LGR6: variants seen among roughly 807,000 people sequenced by gnomAD.
LGR6 encodes the protein leucine rich repeat containing G protein-coupled receptor 6.
LGR6 carries 45 observed loss-of-function variants against 69.4 expected under a neutral mutation model. The observed-to-expected ratio is 0.65, with a 90% CI of 0.51 to 0.83. LGR6 has a LOEUF of 0.83. Ranked by LOEUF, LGR6 falls within the 40% of genes least tolerant of loss-of-function variation. The probability of loss-of-function intolerance (pLI) is 0.00; values close to 1 mark genes in which losing one functional copy is unlikely to be tolerated. For missense variants in LGR6, 1,108 were observed against 1,246.7 expected (o/e 0.89, Z 1.68); for synonymous variants, 538 against 555.0 (o/e 0.97, Z 0.43).
chr1:202,318,156 T>A lies in LGR6; in HGVS notation c.1853T>A (p.Leu618Gln). ...TTGACTGGCATTTCCTGTGGCCTTCTAGCCTCAGTCGATGCCCTGACCTTT... is the reference window on the plus strand; with the variant it reads ...TTGACTGGCATTTCCTGTGGCCTTCAAGCCTCAGTCGATGCCCTGACCTTT... Reference protein sequence around the residue: ...NTLTGISCGLLASVDALTFGQ... With the variant: ...NTLTGISCGLQASVDALTFGQ... The change falls in exon 18 of 18, where the codon CTA becomes CAA. Residue 618 changes from leucine to glutamine, a missense_variant. Leu to Gln is a moderately radical substitution (Grantham distance 113). Transcript: ENST00000367278. The A allele has an allele frequency of 6.2e-7, 1 of 1,614,008 alleles. No individual in the cohort carries two copies. The highest frequency in any genetic ancestry group is 8.5e-7 in the Non-Finnish European group (1 of 1,180,014).
intron 13 of LGR6, 106 bp downstream of exon 13, chr1:202,307,045 G>A: frequency 1.0e-6 from 1 of 977,274 alleles, no homozygotes; most frequent in Non-Finnish European, 1.6e-6. Context: ...AATGTGACAT[G>A]CACATCGCCT....
intron 1 of LGR6, among the ~76,000 whole-genome samples, chr1:202,196,724 T>C (rs558236451): frequency 1.3e-5 from 2 of 152,290 alleles, no homozygotes; most frequent in Non-Finnish European, 2.9e-5. Flanking sequence ...TTATCATGCC[T>C]CCTATGGGTG....
chr1:202,260,444 C>A (rs1664136037), intron 4 of LGR6, among the ~76,000 whole-genome samples: 1 of 152,144 alleles, frequency 6.6e-6, no homozygotes, highest in African/African-American at 2.4e-5. Context: ...AGTGATTTTC[C>A]TGCCTCAGCC....
In LGR6 at chr1:202,319,381, GCCTCT is replaced by G; in HGVS notation, c.*175_*179del. The G allele has an allele frequency of 1.5e-6, 1 of 656,834 alleles. No individual in the cohort carries two copies. Among genetic ancestry groups the G allele is most frequent in the Non-Finnish European group, 2.4e-6 (1 of 415,026 alleles). 40.7% of individuals were successfully genotyped at this position (656,834 alleles called of 1,614,324 possible). ...TCTCCTGTGACCATCACCAACGGGT[GCCTCT>G]TGGCCTGGCTTTCCCTTGGCCTTCC... On this transcript the variant is annotated 3_prime_UTR_variant, in exon 18 of 18. Coordinates refer to ENST00000367278, the MANE Select transcript of LGR6 (RefSeq NM_001017403.2).
At chr1:202,244,515 C>T (rs12124862) in intron 4 of LGR6, among the ~76,000 whole-genome samples, 434 of 152,200 alleles carry the variant, frequency 2.9e-3, no homozygotes, top group Non-Finnish European at 5.1e-3. Context: ...TTCCAGCTTC[C>T]GGCAGCTGCT....
intron 2 of LGR6, among the ~76,000 whole-genome samples, chr1:202,226,966 G>A (rs1660603061): frequency 6.6e-6 from 1 of 152,164 alleles, no homozygotes; most frequent in South Asian, 2.1e-4. Context: ...CATTGGACAC[G>A]ACCTGAGAAC....
At chr1:202,236,031 T>C in intron 4 of LGR6, 38 bp downstream of exon 4, 1 of 1,569,576 alleles carries the variant, frequency 6.4e-7, no homozygotes, top group Non-Finnish European at 8.8e-7. Flanking sequence ...GTCACCAGCT[T>C]CCTGGGGCCT....
intron 1 of LGR6, among the ~76,000 whole-genome samples, chr1:202,214,465 G>T (rs1659627957): frequency 6.6e-6 from 1 of 151,816 alleles, no homozygotes; most frequent in Non-Finnish European, 1.5e-5. Flanking sequence ...GGCGGGCTGG[G>T]GTGGGCAGGG....
intron 4 of LGR6, among the ~76,000 whole-genome samples, chr1:202,254,503 T>C (rs1293699445): frequency 1.3e-5 from 2 of 152,248 alleles, no homozygotes; most frequent in South Asian, 2.1e-4. Flanking sequence ...GCCCCTGCCA[T>C]GAGTGAATGT....
intron 11 of LGR6, 30 bp downstream of exon 11, chr1:202,304,660 G>A (rs1391694867): frequency 1.3e-6 from 2 of 1,571,344 alleles, no homozygotes; most frequent in Non-Finnish European, 1.7e-6. Flanking sequence ...CTACAGTCTT[G>A]GCATTGTGCC....
chr1:202,304,422 C>G, intron 10 of LGR6, 137 bp from the exon 11 acceptor site: 1 of 516,688 alleles, frequency 1.9e-6, no homozygotes, highest in South Asian at 3.4e-5. Flanking sequence ...CCACCCCCTG[C>G]CCTGTCTCTC....
chr1:202,194,706 G>C (rs1373326987), intron 1 of LGR6: 126 of 211,038 alleles, frequency 6.0e-4, no homozygotes, highest in Middle Eastern at 1.7e-3. Flanking sequence ...TCGTGGGGGC[G>C]GGGGGGGCGG....
intron 6 of LGR6, among the ~76,000 whole-genome samples, chr1:202,285,555 G>C (rs745578503): frequency 2.6e-5 from 4 of 152,224 alleles, no homozygotes; most frequent in Non-Finnish European, 5.9e-5. Context: ...CATTAAATGA[G>C]ATGACTTCAC....
intron 1 of LGR6, among the ~76,000 whole-genome samples, chr1:202,200,540 G>A (rs1053483704): frequency 2.6e-5 from 4 of 152,212 alleles, no homozygotes; most frequent in African/African-American, 4.8e-5. Context: ...TTGGGAAGGT[G>A]CAGGAGATGG....
At chr1:202,298,199 C>CA (rs1279993404) in intron 7 of LGR6, among the ~76,000 whole-genome samples, 1 of 152,162 alleles carries the variant, frequency 6.6e-6, no homozygotes, top group Admixed American at 6.5e-5. Context: ...CCATAACTTG[C>CA]AGAGTATTAG....
At chr1:202,255,556 C>T (rs1006495395) in intron 4 of LGR6, among the ~76,000 whole-genome samples, 1 of 152,200 alleles carries the variant, frequency 6.6e-6, no homozygotes, top group Non-Finnish European at 1.5e-5. Flanking sequence ...TAGCTCAGCT[C>T]TCCAACAGCC....
chr1:202,242,718 C>T (rs1461618214), intron 4 of LGR6, among the ~76,000 whole-genome samples: 1 of 152,116 alleles, frequency 6.6e-6, no homozygotes, highest in African/African-American at 2.4e-5. Flanking sequence ...ATGGCTGAAC[C>T]ATTTTGTCCA....
rs1159542452 is a variant in LGR6 at position 202,288,481 on chromosome 1, AT to A, written c.716+7632del. Among the ~76,000 whole-genome samples, 3 of 152,276 alleles carry A rather than the reference AT, an allele frequency of 2.0e-5. No individual in the cohort carries two copies. The East Asian group carries it at 5.8e-4, about 29-fold the overall frequency. On this transcript the variant is annotated intron_variant, in intron 6 of 17. Coordinates refer to ENST00000367278, the MANE Select transcript of LGR6 (RefSeq NM_001017403.2). The stretch of plus-strand genomic sequence containing the variant: ...GGTGAACAAATATTTCAACAAATAG[AT>A]TTATGGCTCCTGGCAAATCTTTATC...
intron 3 of LGR6, among the ~76,000 whole-genome samples, chr1:202,233,401 T>C (rs1054848957): frequency 1.3e-5 from 2 of 152,126 alleles, no homozygotes; most frequent in Non-Finnish European, 2.9e-5. Flanking sequence ...TGCGACCCCC[T>C]GTTTTCTCAG....
Sources: gnomAD v4.1 joint callset for allele counts (sites outside exome capture counted in the v4.1 genomes callset) on GRCh38, gnomAD v4.1.1 for gene constraint, MANE v1.5 for transcripts, NCBI Gene and HGNC (gene_info 2026-07-23, HGNC 2026-07-21) for gene names.